The following ACACA variants were observed in gnomAD, a reference collection of about 807,000 sequenced individuals.
ACACA encodes acetyl-CoA carboxylase 1.
A neutral mutation model predicts 296.1 loss-of-function variants in ACACA; 103 were observed. The observed-to-expected ratio is 0.35, with a 90% CI of 0.30 to 0.41. The LOEUF (loss-of-function observed/expected upper bound fraction) is 0.41, where lower values mean the gene tolerates loss of function less well. Among genes scored for constraint, ACACA ranks in the 10% least tolerant of loss-of-function variants. ACACA has a pLI of 1.00. For missense variants in ACACA, 1,554 were observed against 2,989.7 expected, an observed-to-expected ratio of 0.52 and a Z score of 11.20; for synonymous variants, 953 against 1,038.6, an observed-to-expected ratio of 0.92 and a Z score of 1.58.
intron 1 of ACACA, among the ~76,000 whole-genome samples, chr17:37,349,779 G>C (rs187472282): frequency 4.0e-5 from 6 of 150,920 alleles, no homozygotes; most frequent in Admixed American, 2.0e-4. Context: ...GGCTGGTCTC[G>C]AACTTCTGAC....
At chr17:37,101,342 A>G (rs1440165273) in intron 52 of ACACA, among the ~76,000 whole-genome samples, 1 of 152,246 alleles carries the variant, frequency 6.6e-6, no homozygotes, top group Non-Finnish European at 1.5e-5. Flanking sequence ...TGGCTATCCA[A>G]TGCATACAAT....
chr17:37,246,838 A>G lies in ACACA; in HGVS notation c.2448T>C (p.Tyr816=). The stretch of plus-strand genomic sequence containing the variant: ...TCACCACCCTGACCTCAATCTCAGC[A>G]TAGCACTGGCCGGCAAACACATGAC... The part of the protein sequence containing the change: ...DGGHVFAGQC[Y]AEIEVMKMVM... Residue 816 remains tyrosine (Y), a synonymous_variant, in exon 19 of 56, where the codon TAT becomes TAC. Coordinates refer to ENST00000616317, the MANE Select transcript of ACACA (RefSeq NM_198834.3). The G allele has an allele frequency of 6.2e-7, 1 of 1,613,966 alleles. No individual in the cohort carries two copies. Among genetic ancestry groups the G allele is most frequent in the South Asian group, 1.1e-5 (1 of 91,076 alleles).
chr17:37,252,590 C>T lies in ACACA; in HGVS notation c.1977+296G>A, dbSNP rs112168113. Among the ~76,000 whole-genome samples, 1,097 of 152,240 alleles carry T rather than the reference C, an allele frequency of 7.2e-3. 5 individuals carry two copies. The highest frequency in any genetic ancestry group is 0.023 in the African/African-American group (961 of 41,548). ...CTCTCTCTTCAGCATCTGGTAGATA[C>T]AGAAGTTGGCAACTATGGACCAGGT... On this transcript the variant is annotated intron_variant, in intron 15 of 55. Transcript: ENST00000616317.
intron 55 of ACACA, 59 bp from the exon 56 acceptor site, chr17:37,087,498 C>G (rs2072287560): frequency 6.2e-7 from 1 of 1,605,254 alleles, no homozygotes; most frequent in Non-Finnish European, 8.5e-7. Flanking sequence ...TAGATGAGGA[C>G]AGCTAAAGAA....
chr17:37,339,445 A>G (rs2048286352), intron 2 of ACACA, among the ~76,000 whole-genome samples: 2 of 152,248 alleles, frequency 1.3e-5, no homozygotes, highest in African/African-American at 4.8e-5. Flanking sequence ...GAGGCAACTC[A>G]GTGTGAACAG....
chr17:37,170,710 T>A (rs1000669251), intron 41 of ACACA, among the ~76,000 whole-genome samples: 1 of 152,240 alleles, frequency 6.6e-6, no homozygotes, highest in Non-Finnish European at 1.5e-5. Context: ...TTTATTCTGA[T>A]GGTGCCCATA....
At position 37,113,067 on chromosome 17, in the gene ACACA, G is replaced by A; in HGVS notation, c.6452+21C>T. ...ACAGGGTCCCTAAAGGCAGTGAATGGAAATGTGGAAGGCACGCTACCTGCT... is the reference window on the plus strand; with the variant it reads ...ACAGGGTCCCTAAAGGCAGTGAATGAAAATGTGGAAGGCACGCTACCTGCT... On this transcript the variant is annotated intron_variant, in intron 51 of 55. Coordinates refer to ENST00000616317, the MANE Select transcript of ACACA (RefSeq NM_198834.3). The surrounding 1 kb of genome is among the most constrained non-coding windows in gnomAD (Gnocchi z 4.0). 6.2e-7 allele frequency: 1 copy of A among 1,613,868 alleles called. No individual in the cohort carries two copies. The highest frequency in any genetic ancestry group is 8.5e-7 in the Non-Finnish European group (1 of 1,179,962).
At chr17:37,382,265 C>G (rs1357279642) in intron 1 of ACACA, among the ~76,000 whole-genome samples, 1 of 152,014 alleles carries the variant, frequency 6.6e-6, no homozygotes, top group Non-Finnish European at 1.5e-5. Flanking sequence ...CCTATTCCCC[C>G]ACAGCTGCTG....
chr17:37,098,903 A>AT (rs1180599293), intron 52 of ACACA, among the ~76,000 whole-genome samples: 2 of 152,202 alleles, frequency 1.3e-5, no homozygotes, highest in Non-Finnish European at 2.9e-5. Flanking sequence ...TACTCTCAGA[A>AT]TGGGATCTGC....
chr17:37,403,409 T>A (rs1204091831), intron 1 of ACACA, among the ~76,000 whole-genome samples: 2 of 146,714 alleles, frequency 1.4e-5, no homozygotes, highest in Non-Finnish European at 3.0e-5. Flanking sequence ...TCTCACTCTG[T>A]CACCTAGGCT....
intron 1 of ACACA, among the ~76,000 whole-genome samples, chr17:37,356,070 G>T (rs978762315): frequency 6.6e-6 from 1 of 151,132 alleles, no homozygotes; most frequent in East Asian, 2.0e-4. Context: ...ACTCAGGGGG[G>T]TGAGGCAGGA....
At chr17:37,383,351 G>C (rs541272388) in intron 1 of ACACA, among the ~76,000 whole-genome samples, 1 of 152,230 alleles carries the variant, frequency 6.6e-6, no homozygotes, top group East Asian at 1.9e-4. Context: ...TTTGCACTTG[G>C]TTAGCCTCCC....
At position 37,260,397 on chromosome 17, in the gene ACACA, G is replaced by A. The variant is rs367849521; in HGVS notation, c.1330-867C>T. Reference sequence around the variant, plus strand: ...CGGCTCACTGTAACCTCCGCCTCTCGGATTCAAGTGATTCTCCTACCTCAG... The same window carrying A: ...CGGCTCACTGTAACCTCCGCCTCTCAGATTCAAGTGATTCTCCTACCTCAG... On this transcript the variant is annotated intron_variant, in intron 11 of 55. Transcript: ENST00000616317. Among the ~76,000 whole-genome samples, 20 of 146,212 alleles carry A rather than the reference G, an allele frequency of 1.4e-4. No homozygotes were observed. The East Asian group carries it at 2.1e-3, about 15-fold the overall frequency.
chr17:37,240,714 T>A (rs2145924132), intron 23 of ACACA, 150 bp from the exon 24 acceptor site: 1 of 686,814 alleles, frequency 1.5e-6, no homozygotes, highest in East Asian at 2.7e-5. Context: ...AAAATTAACT[T>A]AAATTCTAAG....
At chr17:37,398,185 G>T (rs1288662684) in intron 1 of ACACA, among the ~76,000 whole-genome samples, 7 of 135,140 alleles carry the variant, frequency 5.2e-5, no homozygotes, top group Non-Finnish European at 9.2e-5. Context: ...AGCCGAGATC[G>T]CACCACTGCA....
chr17:37,339,248 A>C (rs1235371154), intron 2 of ACACA, among the ~76,000 whole-genome samples: 1 of 152,218 alleles, frequency 6.6e-6, no homozygotes, highest in East Asian at 1.9e-4. Flanking sequence ...GTCTGACTGA[A>C]GTTAGATGAC....
intron 1 of ACACA, among the ~76,000 whole-genome samples, chr17:37,401,558 T>C (rs1010462407): frequency 4.7e-5 from 5 of 107,250 alleles, no homozygotes; most frequent in African/African-American, 2.0e-4. Flanking sequence ...GTTGTCTCTT[T>C]ACCTTTTTTT....
At chr17:37,280,105 C>CA (rs1178536522) in intron 5 of ACACA, among the ~76,000 whole-genome samples, 2 of 152,048 alleles carry the variant, frequency 1.3e-5, no homozygotes, top group African/African-American at 4.8e-5. Context: ...ACATGGGTAC[C>CA]AAATACTCTC....
intron 42 of ACACA, among the ~76,000 whole-genome samples, chr17:37,156,562 C>A (rs148157257): frequency 6.6e-6 from 1 of 152,276 alleles, no homozygotes; most frequent in East Asian, 1.9e-4. Context: ...AATCAGAAGT[C>A]TACACAGTGC....
Sources: allele counts gnomAD v4.1 joint callset (sites outside exome capture counted in the v4.1 genomes callset), GRCh38; gene constraint gnomAD v4.1.1; non-coding constraint Gnocchi (gnomAD v3.1); transcripts MANE v1.5; gene names NCBI Gene and HGNC (gene_info 2026-07-23, HGNC 2026-07-21).